Variants in NR5A2 observed in about 807,000 individuals in gnomAD.
NR5A2 encodes the protein CYP7A promoter-binding factor.
A neutral mutation model predicts 62.7 loss-of-function variants in NR5A2; 26 were observed. The observed-to-expected ratio is 0.41, with a 90% CI of 0.30 to 0.58. NR5A2 has a LOEUF of 0.58. NR5A2 is among the 20% of genes least tolerant of loss of function. The pLI, the probability that NR5A2 is intolerant of heterozygous loss-of-function variation, is 0.22. For missense variants in NR5A2, 541 were observed against 669.1 expected (o/e 0.81, Z 2.11); for synonymous variants, 246 against 241.7 (o/e 1.02, Z -0.16).
At chr1:200,120,002 T>C (rs1666411763) in intron 6 of NR5A2, among the ~76,000 whole-genome samples, 1 of 152,140 alleles carries the variant, frequency 6.6e-6, no homozygotes. Flanking sequence ...GTTATTGCTG[T>C]CTTTAGAGAG....
intron 5 of NR5A2, among the ~76,000 whole-genome samples, chr1:200,079,725 G>A (rs913759129): frequency 1.3e-5 from 2 of 152,174 alleles, no homozygotes; most frequent in African/African-American, 4.8e-5. Context: ...ATGCCTTTAG[G>A]AATGGGACCG....
At chr1:200,098,051 A>G (rs751048360) in intron 5 of NR5A2, among the ~76,000 whole-genome samples, 17 of 152,206 alleles carry the variant, frequency 1.1e-4, no homozygotes, top group Non-Finnish European at 2.2e-4. Flanking sequence ...CTTGTGCCTT[A>G]CAATGTTGTA....
At chr1:200,085,654 A>G (rs1377859574) in intron 5 of NR5A2, among the ~76,000 whole-genome samples, 1 of 143,174 alleles carries the variant, frequency 7.0e-6, no homozygotes, top group African/African-American at 2.7e-5. Flanking sequence ...CAGAATGAAG[A>G]CCTATCTCAA....
At position 200,027,789 on chromosome 1, in the gene NR5A2, T is replaced by A; in HGVS notation, c.-59T>A. On this transcript the variant is annotated 5_prime_UTR_variant, in exon 1 of 8. Transcript: ENST00000367362. ...GCCACGAAATTTGACAAGCTGCACT[T>A]TTCTTTTGCTCAATGATTTCTGCTT... The A allele has an allele frequency of 7.5e-7, 1 of 1,340,238 alleles. No individual in the cohort carries two copies. Among genetic ancestry groups the A allele is most frequent in the Non-Finnish European group, 1.1e-6 (1 of 952,204 alleles). 83.0% of individuals were successfully genotyped at this position (1,340,238 alleles called of 1,614,324 possible). A position where few individuals can be genotyped will look rare whatever the true frequency, so the allele number is the denominator to read the frequency against.
intron 7 of NR5A2, among the ~76,000 whole-genome samples, chr1:200,170,100 GT>G (rs890889868): frequency 6.6e-6 from 1 of 151,974 alleles, no homozygotes; most frequent in African/African-American, 2.4e-5. Flanking sequence ...CTAGATTTTG[GT>G]TTTTTTAATA....
intron 5 of NR5A2, among the ~76,000 whole-genome samples, chr1:200,072,163 A>G (rs1039408561): frequency 6.6e-6 from 1 of 152,198 alleles, no homozygotes; most frequent in African/African-American, 2.4e-5. Flanking sequence ...TTCTGTTTTT[A>G]GGTGCTTCTA....
intron 7 of NR5A2, among the ~76,000 whole-genome samples, chr1:200,169,216 T>TA (rs200311622): frequency 0.01 from 1,508 of 150,712 alleles, 33 homozygotes; most frequent in African/African-American, 0.033. Flanking sequence ...CCCTATTTAT[T>TA]AAAAAAAAAT....
intron 5 of NR5A2, among the ~76,000 whole-genome samples, chr1:200,077,228 A>T (rs61819922): frequency 0.071 from 10,777 of 152,300 alleles, 416 homozygotes; most frequent in Middle Eastern, 0.11. Context: ...CATCACAGAA[A>T]AATTATTTTA....
chr1:200,037,020 C>A (rs1490387758), intron 1 of NR5A2, among the ~76,000 whole-genome samples: 2 of 152,192 alleles, frequency 1.3e-5, no homozygotes, highest in Non-Finnish European at 2.9e-5. Flanking sequence ...GAAAGTCCAC[C>A]TGTGGAGAGA....
chr1:200,171,761 G>A (rs1232754378), intron 7 of NR5A2, among the ~76,000 whole-genome samples: 6 of 152,000 alleles, frequency 3.9e-5, no homozygotes, highest in Admixed American at 2.6e-4. Flanking sequence ...ATAAAAAAAA[G>A]AAAGAAGTTA....
chr1:200,044,048 G>C lies in NR5A2; in HGVS notation c.321+156G>C, dbSNP rs1427403286. 2.1e-5 allele frequency: 11 copies of C among 513,448 alleles called. No homozygotes were observed. In the Admixed American group the frequency reaches 4.0e-4, roughly 19 times the overall value. 31.8% of individuals were successfully genotyped at this position (513,448 alleles called of 1,614,324 possible). ...TCTTAGGGAGATGATTCTTAGAAGT[G>C]TGTGTCTGATTTAGTTCAAAAGGCA... is the stretch of plus-strand genomic sequence containing the variant. On this transcript the variant is annotated intron_variant, in intron 3 of 7. Coordinates refer to ENST00000367362, the MANE Select transcript of NR5A2 (RefSeq NM_205860.3).
At chr1:200,167,220 T>A (rs1653943184) in intron 7 of NR5A2, among the ~76,000 whole-genome samples, 1 of 152,172 alleles carries the variant, frequency 6.6e-6, no homozygotes, top group Admixed American at 6.5e-5. Flanking sequence ...ATATTCCATG[T>A]GCCCCTTAAA....
In NR5A2 at chr1:200,027,723, T is replaced by G. The variant is rs1157268252; in HGVS notation, c.-125T>G. On this transcript the variant is annotated 5_prime_UTR_variant, in exon 1 of 8. Coordinates refer to ENST00000367362, the MANE Select transcript of NR5A2 (RefSeq NM_205860.3). ...TTTTTTTCCTTTGCTTTTTCTTAAC[T>G]TTCACTAAGGGTTACTGTAGTCTGA... 1 of 511,270 alleles carries G rather than the reference T, an allele frequency of 2.0e-6. No homozygotes were observed. Among genetic ancestry groups the G allele is most frequent in the East Asian group, 3.1e-5 (1 of 31,820 alleles). 31.7% of individuals were successfully genotyped at this position (511,270 alleles called of 1,614,324 possible). A position where few individuals can be genotyped will look rare whatever the true frequency, so the allele number is the denominator to read the frequency against.
At position 200,059,292 on chromosome 1, in the gene NR5A2, G is replaced by A. The variant is rs771879923; in HGVS notation, c.1110+10474G>A. Among the ~76,000 whole-genome samples the A allele has an allele frequency of 2.6e-5, 4 of 152,110 alleles. No individual in the cohort carries two copies. The South Asian group carries it at 6.2e-4, about 24-fold the overall frequency. ...GAATGAGGCAGTCAGGTATGCATTA[G>A]CAGTGAGGTCCTCCCCAGCTTGTGA... On this transcript the variant is annotated intron_variant, in intron 5 of 7. Transcript: ENST00000367362.
rs1396221262 is a variant in NR5A2, at chr1:200,147,381, T to C, written c.1378+26426T>C. On this transcript the variant is annotated intron_variant, in intron 7 of 7. Coordinates refer to ENST00000367362, the MANE Select transcript of NR5A2 (RefSeq NM_205860.3). This position sits in a 1 kb window ranked among gnomAD's most constrained non-coding sequence, Gnocchi z 4.9. ...TGCTGACTCCCCCAGGCCACCTTAGTTCCTCTCGGAGTCTGTATGGGTCTG... is the reference window on the plus strand; with the variant it reads ...TGCTGACTCCCCCAGGCCACCTTAGCTCCTCTCGGAGTCTGTATGGGTCTG... The C allele has an allele frequency of 2.7e-6, 1 of 365,574 alleles. No individual in the cohort carries two copies. Among genetic ancestry groups the C allele is most frequent in the Non-Finnish European group, 5.3e-6 (1 of 190,172 alleles). 22.6% of individuals were successfully genotyped at this position (365,574 alleles called of 1,614,324 possible).
At position 200,147,684 on chromosome 1, in the gene NR5A2, C is replaced by A; in HGVS notation, c.1379-26279C>A. On this transcript the variant is annotated intron_variant, in intron 7 of 7. Coordinates refer to ENST00000367362, the MANE Select transcript of NR5A2 (RefSeq NM_205860.3). This position sits in a 1 kb window ranked among gnomAD's most constrained non-coding sequence, Gnocchi z 4.9. ...CGGACACGTGGAAGACATGGGTGGA[C>A]TTGGGCTCCGAGGCGATCTCCTCCA... 1.5e-6 allele frequency: 1 copy of A among 685,982 alleles called. No homozygotes were observed. Among genetic ancestry groups the A allele is most frequent in the Non-Finnish European group, 2.8e-6 (1 of 362,170 alleles). 42.5% of individuals were successfully genotyped at this position (685,982 alleles called of 1,614,324 possible). A position where few individuals can be genotyped will look rare whatever the true frequency, so the allele number is the denominator to read the frequency against.
At chr1:200,168,915 G>C (rs1346125584) in intron 7 of NR5A2, among the ~76,000 whole-genome samples, 3 of 152,148 alleles carry the variant, frequency 2.0e-5, no homozygotes, top group Non-Finnish European at 4.4e-5. Context: ...CTAGAGGAAA[G>C]GGCCTTCTGA....
chr1:200,135,993 G>T (rs1667205553), intron 7 of NR5A2, among the ~76,000 whole-genome samples: 1 of 152,178 alleles, frequency 6.6e-6, no homozygotes, highest in Admixed American at 6.5e-5. Context: ...ACTAACCAAA[G>T]GCATCATTAT....
At chr1:200,029,897 T>C (rs1661489108) in intron 1 of NR5A2, among the ~76,000 whole-genome samples, 1 of 152,126 alleles carries the variant, frequency 6.6e-6, no homozygotes, top group Non-Finnish European at 1.5e-5. Context: ...GACAATCTGT[T>C]TACCTCGTAG....
Sources: allele counts gnomAD v4.1 joint callset (sites outside exome capture counted in the v4.1 genomes callset), GRCh38; gene constraint gnomAD v4.1.1; non-coding constraint Gnocchi (gnomAD v3.1); transcripts MANE v1.5; gene names NCBI Gene and HGNC (gene_info 2026-07-23, HGNC 2026-07-21).